The following PLEKHH1 variants were observed in gnomAD, a reference collection of about 807,000 sequenced individuals.
PLEKHH1 encodes pleckstrin homology domain-containing family H member 1.
PLEKHH1 carries 104 observed loss-of-function variants against 160.0 expected under a neutral mutation model. The observed-to-expected ratio is 0.65, with a 90% CI of 0.55 to 0.76. PLEKHH1 has a LOEUF of 0.76. PLEKHH1 is among the 30% of genes least tolerant of loss of function. PLEKHH1 has a pLI of 0.00. For missense variants in PLEKHH1, 1,427 were observed against 1,724.1 expected (o/e 0.83, Z 3.05); for synonymous variants, 619 against 678.4 (o/e 0.91, Z 1.36).
chr14:67,589,318 T>A lies in PLEKHH1; in HGVS notation c.*2083T>A, dbSNP rs555828495. On this transcript the variant is annotated 3_prime_UTR_variant, in exon 29 of 29. Coordinates refer to ENST00000329153, the MANE Select transcript of PLEKHH1 (RefSeq NM_020715.3). ...TAACTTAGAAACAAAGGATTCAATATTTGCTTATTTATTCTTTGTTAACAT... is the reference window on the plus strand; with the variant it reads ...TAACTTAGAAACAAAGGATTCAATAATTGCTTATTTATTCTTTGTTAACAT... 1.6e-5 allele frequency: 16 copies of A among 975,936 alleles called. No homozygotes were observed. The African/African-American group carries it at 2.4e-4, about 15-fold the overall frequency. The allele number at this position is 975,936 out of a possible 1,614,324, so 60.5% of individuals were successfully genotyped here.
At chr14:67,549,418 A>G (rs2034306901) in intron 2 of PLEKHH1, among the ~76,000 whole-genome samples, 1 of 151,818 alleles carries the variant, frequency 6.6e-6, no homozygotes, top group Non-Finnish European at 1.5e-5. Context: ...TTACAGGCAC[A>G]TGCCACCACG....
chr14:67,587,312 C>G lies in PLEKHH1; in HGVS notation c.*77C>G, dbSNP rs1003920066. ...ATATATATCCTAGGGTATGATACTACTGTGACGGGTCTAACAGCCCCCGGC... is the reference window on the plus strand; with the variant it reads ...ATATATATCCTAGGGTATGATACTAGTGTGACGGGTCTAACAGCCCCCGGC... On this transcript the variant is annotated 3_prime_UTR_variant, in exon 29 of 29. Transcript: ENST00000329153. 1.3e-5 allele frequency: 20 copies of G among 1,528,932 alleles called. No individual in the cohort carries two copies. The highest frequency in any genetic ancestry group is 1.7e-5 in the Non-Finnish European group (19 of 1,102,646). The allele number at this position is 1,528,932 out of a possible 1,614,324, so 94.7% of individuals were successfully genotyped here.
chr14:67,576,681 G>T lies in PLEKHH1; in HGVS notation c.2461+178G>T, dbSNP rs966707767. On this transcript the variant is annotated intron_variant, in intron 17 of 28. Coordinates refer to ENST00000329153, the MANE Select transcript of PLEKHH1 (RefSeq NM_020715.3). This position sits in a 1 kb window ranked among gnomAD's most constrained non-coding sequence, Gnocchi z 4.0. ...CTCTGTCTCCGGCTGAGATACTAAG[G>T]TGACCACTCTGCATCTGGGGGAGTT... is the stretch of plus-strand genomic sequence containing the variant. 1.3e-5 allele frequency among the ~76,000 whole-genome samples: 2 copies of T among 152,184 alleles called. No individual in the cohort carries two copies. The highest frequency in any genetic ancestry group is 4.8e-5 in the African/African-American group (2 of 41,442).
At position 67,575,987 on chromosome 14, in the gene PLEKHH1, T is replaced by C. The variant is rs1459929803; in HGVS notation, c.2334T>C (p.Ile778=). 3 of 1,612,314 alleles carry C rather than the reference T, an allele frequency of 1.9e-6. No individual in the cohort carries two copies. Among genetic ancestry groups the C allele is most frequent in the African/African-American group, 2.7e-5 (2 of 74,878 alleles). ...PTEHSPTYLL[I]GTKHEKDTWL... Reference sequence around the variant, plus strand: ...AGCACAGCCCCACCTACCTCCTCATTGGCACCAAGCATGAAAAGGTAAGGA... The same window carrying C: ...AGCACAGCCCCACCTACCTCCTCATCGGCACCAAGCATGAAAAGGTAAGGA... The change falls in exon 16 of 29, where the codon ATT becomes ATC. Residue 778 remains isoleucine (I), a synonymous_variant. Transcript: ENST00000329153.
At position 67,562,505 on chromosome 14, in the gene PLEKHH1, G is replaced by A. The variant is rs753253946; in HGVS notation, c.874G>A (p.Gly292Arg). ...WGEGLVTAQR[G>R]MLPGTKTSAR... ...TGAGGGTCTGGTTACTGCTCAGAGA[G>A]GGATGCTCCCTGGGACAAAGACCTC... The change falls in exon 7 of 29, where the codon GGG (glycine) becomes AGG (arginine). Residue 292 changes from glycine (G) to arginine (R), a missense_variant. Physicochemically the swap from Gly to Arg is moderately radical, Grantham distance 125 (BLOSUM62 -2). This residue lies in a region of PLEKHH1 where 831 missense variants were observed against 929.2 expected (regional missense o/e 0.89). Coordinates refer to ENST00000329153, the MANE Select transcript of PLEKHH1 (RefSeq NM_020715.3). The A allele has an allele frequency of 5.6e-6, 9 of 1,611,998 alleles. No homozygotes were observed. Among genetic ancestry groups the A allele is most frequent in the South Asian group, 1.1e-5 (1 of 91,044 alleles).
rs1196067320 is a variant in PLEKHH1 at position 67,574,053 on chromosome 14, A to C, written c.1926+166A>C. 1.3e-5 allele frequency among the ~76,000 whole-genome samples: 2 copies of C among 152,196 alleles called. No homozygotes were observed. The highest frequency in any genetic ancestry group is 2.4e-5 in the African/African-American group (1 of 41,448). ...AGTACAAGAAAGGAAGATGAGACAG[A>C]ATATGAGAGATGGAGTGAAGGAAGG... is the stretch of plus-strand genomic sequence containing the variant. On this transcript the variant is annotated intron_variant, in intron 13 of 28. Coordinates refer to ENST00000329153, the MANE Select transcript of PLEKHH1 (RefSeq NM_020715.3). This position sits in a 1 kb window ranked among gnomAD's most constrained non-coding sequence, Gnocchi z 4.2.
intron 2 of PLEKHH1, among the ~76,000 whole-genome samples, chr14:67,552,398 T>A (rs572873904): frequency 6.6e-6 from 1 of 152,278 alleles, no homozygotes; most frequent in Non-Finnish European, 1.5e-5. Context: ...CAGACATTAG[T>A]TTTAGAGAAA....
In PLEKHH1 at chr14:67,545,051, A is replaced by G. The variant is rs146198413; in HGVS notation, c.126+3058A>G. Among the ~76,000 whole-genome samples the G allele has an allele frequency of 4.4e-3, 674 of 152,340 alleles. 18 individuals carry two copies. The East Asian group carries it at 0.062, about 14-fold the overall frequency. ...TTTGGCTGCTGTAAGAAAGAACCTC[A>G]AATAACAATGGCTTAAACCAGGCTG... On this transcript the variant is annotated intron_variant, in intron 2 of 28. Coordinates refer to ENST00000329153, the MANE Select transcript of PLEKHH1 (RefSeq NM_020715.3).
rs1166873731 is a variant in PLEKHH1, at chr14:67,569,151, A to G, written c.1277A>G (p.Tyr426Cys). The G allele has an allele frequency of 6.2e-7, 1 of 1,612,068 alleles. No individual in the cohort carries two copies. Among genetic ancestry groups the G allele is most frequent in the Non-Finnish European group, 8.5e-7 (1 of 1,178,530 alleles). The change falls in exon 8 of 29, where the codon TAT becomes TGT. Residue 426 changes from tyrosine (Y) to cysteine (C), a missense_variant. Around this residue, in one of 6 missense-constraint regions of PLEKHH1, gnomAD observed 831 missense variants for 929.2 expected, o/e 0.89. Coordinates refer to ENST00000329153, the MANE Select transcript of PLEKHH1 (RefSeq NM_020715.3). ...HQFSSWESRI[Y>C]AVATSGMRLS... The stretch of plus-strand genomic sequence containing the variant: ...CTCTTGTTTCAGGAGAGCCGGATCT[A>G]TGCTGTGGCCACATCGGGCATGCGG...
intron 21 of PLEKHH1, 91 bp downstream of exon 21, chr14:67,579,402 G>A (rs2035785315): frequency 9.7e-7 from 1 of 1,026,772 alleles, no homozygotes; most frequent in East Asian, 2.8e-5. Context: ...TTGGCAGATT[G>A]TTCACTGTTG....
chr14:67,535,831 G>A (rs886591760), intron 1 of PLEKHH1, among the ~76,000 whole-genome samples: 3 of 152,180 alleles, frequency 2.0e-5, no homozygotes, highest in Admixed American at 2.0e-4. Context: ...AAAAAGCCCT[G>A]CATGATGTGA....
rs944217099 is a variant in PLEKHH1, at chr14:67,562,185, C to A, written c.554C>A (p.Ala185Asp). The change falls in exon 7 of 29, where the codon GCT becomes GAT. Residue 185 changes from alanine to aspartate, a missense_variant. Transcript: ENST00000329153. ...SRKLLVPPYG[A>D]AEQDSVPSEP... ...AAGCTGCTGGTGCCCCCCTACGGAG[C>A]TGCAGAGCAGGATTCTGTCCCTTCA... 4 of 1,611,546 alleles carry A rather than the reference C, an allele frequency of 2.5e-6. No homozygotes were observed. The East Asian group carries it at 6.7e-5, about 27-fold the overall frequency.
In PLEKHH1 at chr14:67,569,170, C is replaced by G; in HGVS notation, c.1296C>G (p.Gly432=). ...ESRIYAVATS[G]MRLSDMSPRS... is the part of the protein sequence containing the mutation. ...GGATCTATGCTGTGGCCACATCGGG[C>G]ATGCGGCTCTCAGATATGTCTCCCA... Residue 432 remains glycine, a synonymous_variant, in exon 8 of 29, where the codon GGC becomes GGG. Transcript: ENST00000329153. 6.2e-7 allele frequency: 1 copy of G among 1,613,054 alleles called. No homozygotes were observed.
At chr14:67,579,396 C>A in intron 21 of PLEKHH1, 85 bp downstream of exon 21, 1 of 1,112,678 alleles carries the variant, frequency 9.0e-7, no homozygotes, top group Non-Finnish European at 1.2e-6. Flanking sequence ...TCAGGCTTGG[C>A]AGATTGTTCA....
chr14:67,575,774 C>A (rs773559262), intron 15 of PLEKHH1, 49 bp from the exon 16 acceptor site: 2 of 1,410,282 alleles, frequency 1.4e-6, no homozygotes, highest in African/African-American at 2.8e-5. Flanking sequence ...AGAGGAGACT[C>A]CCTCATCCCC....
chr14:67,569,596 CACA>C (rs2035274647), intron 8 of PLEKHH1: 1 of 452,622 alleles, frequency 2.2e-6, no homozygotes, highest in African/African-American at 2.0e-5. Flanking sequence ...ACCAAATCTC[CACA>C]ACGAGGGCTG....
At position 67,573,757 on chromosome 14, in the gene PLEKHH1, G is replaced by A. The variant is rs2035493985; in HGVS notation, c.1840-44G>A. The A allele has an allele frequency of 1.6e-6, 2 of 1,260,366 alleles. No homozygotes were observed. Among genetic ancestry groups the A allele is most frequent in the African/African-American group, 1.5e-5 (1 of 68,318 alleles). 78.1% of individuals were successfully genotyped at this position (1,260,366 alleles called of 1,614,324 possible). On this transcript the variant is annotated intron_variant, in intron 12 of 28. Transcript: ENST00000329153. The surrounding 1 kb of genome is among the most constrained non-coding windows in gnomAD (Gnocchi z 4.8). ...GAGGGTAAATGAGGTGCTCCGGAAAGGCTCCACATTCAGTGGCTCTCCTCT... is the reference window on the plus strand; with the variant it reads ...GAGGGTAAATGAGGTGCTCCGGAAAAGCTCCACATTCAGTGGCTCTCCTCT...
chr14:67,536,989 G>T (rs925940152), intron 1 of PLEKHH1, among the ~76,000 whole-genome samples: 1 of 151,232 alleles, frequency 6.6e-6, no homozygotes, highest in African/African-American at 2.5e-5. Flanking sequence ...GCAGTGAGCC[G>T]AGATTGCACC....
intron 28 of PLEKHH1, chr14:67,586,832 G>A (rs2036190368): frequency 6.8e-7 from 1 of 1,481,438 alleles, no homozygotes; most frequent in East Asian, 2.8e-5. Context: ...CAGAACACTG[G>A]GCCTCCTTTT....
Sources: allele counts gnomAD v4.1 joint callset (sites outside exome capture counted in the v4.1 genomes callset), GRCh38; gene constraint gnomAD v4.1.1; regional missense constraint gnomAD v4.1.1; non-coding constraint Gnocchi (gnomAD v3.1); transcripts MANE v1.5; gene names NCBI Gene and HGNC (gene_info 2026-07-23, HGNC 2026-07-21).